Variants in COBL observed in about 807,000 individuals in gnomAD.
COBL encodes the protein protein cordon-bleu.
In COBL, 51 loss-of-function variants were observed where a neutral mutation model predicts 98.8. The observed-to-expected ratio is 0.52, with a 90% CI of 0.41 to 0.65. The LOEUF is 0.65. Among genes scored for constraint, COBL ranks in the 30% least tolerant of loss-of-function variants. The pLI is 0.00. For missense variants in COBL, 1,617 were observed against 1,617.5 expected, an observed-to-expected ratio of 1.00 and a Z score of 0.01; for synonymous variants, 634 against 651.7, an observed-to-expected ratio of 0.97 and a Z score of 0.41.
At chr7:51,151,828 TG>T (rs1562969132) in intron 5 of COBL, among the ~76,000 whole-genome samples, 2 of 152,246 alleles carry the variant, frequency 1.3e-5, no homozygotes, top group African/African-American at 4.8e-5. Flanking sequence ...TCTGTGTGCC[TG>T]GCTCAGGCTA....
At chr7:51,234,567 G>A (rs1044416760) in intron 1 of COBL, among the ~76,000 whole-genome samples, 4 of 152,066 alleles carry the variant, frequency 2.6e-5, no homozygotes, top group African/African-American at 7.2e-5. Context: ...CGGGCGTGTT[G>A]GTGTGTGCCT....
At position 51,267,480 on chromosome 7, in the gene COBL, T is replaced by TA. The variant is rs1554452314; in HGVS notation, c.42-47537_42-47536insT. Among the ~76,000 whole-genome samples, 15 of 150,778 alleles carry TA rather than the reference T, an allele frequency of 9.9e-5. No individual in the cohort carries two copies. In the South Asian group the frequency reaches 2.9e-3, roughly 29 times the overall value. On this transcript the variant is annotated intron_variant, in intron 1 of 12. Transcript: ENST00000265136. ...TTCATACATTCATTTATTTGTATTT[T>TA]TATATATATATATATTACTAGTATA...
intron 7 of COBL, among the ~76,000 whole-genome samples, chr7:51,068,979 A>T (rs1053227392): frequency 6.6e-6 from 1 of 152,218 alleles, no homozygotes; most frequent in African/African-American, 2.4e-5. Context: ...TTGTGCAGTG[A>T]GTGACAGTTC....
chr7:51,091,270 G>A (rs1214206561), intron 6 of COBL, among the ~76,000 whole-genome samples: 1 of 152,126 alleles, frequency 6.6e-6, no homozygotes, highest in African/African-American at 2.4e-5. Context: ...AGAATACTCA[G>A]AAAGACAGCT....
chr7:51,081,264 G>A (rs1283417725), intron 7 of COBL, among the ~76,000 whole-genome samples: 1 of 152,210 alleles, frequency 6.6e-6, no homozygotes, highest in East Asian at 1.9e-4. Flanking sequence ...GCATGAGAGG[G>A]GAAGAGAGGG....
intron 5 of COBL, among the ~76,000 whole-genome samples, chr7:51,181,733 C>T (rs917148786): frequency 6.6e-6 from 1 of 152,316 alleles, no homozygotes; most frequent in East Asian, 1.9e-4. Flanking sequence ...ACAGAGAGGA[C>T]TCGATCACTG....
intron 1 of COBL, among the ~76,000 whole-genome samples, chr7:51,231,424 C>G (rs1794737255): frequency 6.6e-6 from 1 of 152,204 alleles, no homozygotes; most frequent in African/African-American, 2.4e-5. Flanking sequence ...TCTACCAAAC[C>G]AAGCAGGGGT....
At chr7:51,257,660 T>C (rs1352958909) in intron 1 of COBL, among the ~76,000 whole-genome samples, 1 of 152,152 alleles carries the variant, frequency 6.6e-6, no homozygotes, top group Admixed American at 6.5e-5. Context: ...TATATAAATA[T>C]ACATAATTTT....
rs191338484 is a variant in COBL, at chr7:51,064,205, T to C, written c.1097-20513A>G. Among the ~76,000 whole-genome samples the C allele has an allele frequency of 3.3e-5, 5 of 152,300 alleles. No individual in the cohort carries two copies. In the East Asian group the frequency reaches 9.7e-4, roughly 29 times the overall value. Reference sequence around the variant, plus strand: ...TGGCTACTGTGATTGGTTCAGGAACTCGCATGTGGCTGATGTGGGGTAAGT... The same window carrying C: ...TGGCTACTGTGATTGGTTCAGGAACCCGCATGTGGCTGATGTGGGGTAAGT... On this transcript the variant is annotated intron_variant, in intron 7 of 12. Coordinates refer to ENST00000265136, the MANE Select transcript of COBL (RefSeq NM_015198.5).
chr7:51,211,837 C>T (rs1301771180), intron 2 of COBL, among the ~76,000 whole-genome samples: 4 of 152,208 alleles, frequency 2.6e-5, no homozygotes, highest in Non-Finnish European at 4.4e-5. Context: ...TTTTCATTGA[C>T]TACACAGACA....
At chr7:51,300,909 C>G (rs529814459) in intron 1 of COBL, among the ~76,000 whole-genome samples, 1 of 152,314 alleles carries the variant, frequency 6.6e-6, no homozygotes, top group African/African-American at 2.4e-5. Context: ...CCAGGGATAT[C>G]TGAGGTGCAT....
intron 6 of COBL, among the ~76,000 whole-genome samples, chr7:51,089,128 G>A (rs1282351321): frequency 6.6e-6 from 1 of 152,124 alleles, no homozygotes; most frequent in African/African-American, 2.4e-5. Flanking sequence ...AAATTCCTGA[G>A]TGTCCTAGGA....
chr7:51,081,081 G>A (rs1049657979), intron 7 of COBL, among the ~76,000 whole-genome samples: 26 of 152,166 alleles, frequency 1.7e-4, no homozygotes, highest in African/African-American at 5.6e-4. Context: ...CTGGCAGCCA[G>A]GAGCGCGGGG....
chr7:51,198,125 T>C (rs1790766840), intron 2 of COBL, among the ~76,000 whole-genome samples: 1 of 152,178 alleles, frequency 6.6e-6, no homozygotes, highest in Non-Finnish European at 1.5e-5. Flanking sequence ...CTGTGTACTT[T>C]AGTGTTAGTA....
At chr7:51,017,639 A>T (rs181709480) in intron 12 of COBL, 71 bp from the exon 13 acceptor site, 2 of 1,521,834 alleles carry the variant, frequency 1.3e-6, no homozygotes, top group African/African-American at 2.7e-5. Flanking sequence ...CTGGTGCTAG[A>T]GAGCTCTGTG....
At chr7:51,263,393 A>G (rs916903558) in intron 1 of COBL, among the ~76,000 whole-genome samples, 2 of 152,230 alleles carry the variant, frequency 1.3e-5, no homozygotes, top group African/African-American at 4.8e-5. Flanking sequence ...GATATGTTTC[A>G]CAAACTGCTT....
At chr7:51,238,556 C>A (rs1795485033) in intron 1 of COBL, among the ~76,000 whole-genome samples, 2 of 152,180 alleles carry the variant, frequency 1.3e-5, no homozygotes, top group Non-Finnish European at 2.9e-5. Flanking sequence ...CGAACCAGAG[C>A]AACTCCATCT....
At position 51,118,295 on chromosome 7, in the gene COBL, G is replaced by A. The variant is rs1364664656; in HGVS notation, c.957+17863C>T. Among the ~76,000 whole-genome samples the A allele has an allele frequency of 1.3e-5, 2 of 152,032 alleles. 1 individual carries two copies. The highest frequency in any genetic ancestry group is 4.2e-4 in the South Asian group (2 of 4,814). ...TCCAGCGGTTGGGAGTCCAAGCATG[G>A]CTTAGCCGGGTCCTCTGCTCAGGGT... is the stretch of plus-strand genomic sequence containing the variant. On this transcript the variant is annotated intron_variant, in intron 6 of 12. Coordinates refer to ENST00000265136, the MANE Select transcript of COBL (RefSeq NM_015198.5).
intron 5 of COBL, among the ~76,000 whole-genome samples, chr7:51,155,942 C>A (rs1786087009): frequency 6.6e-6 from 1 of 152,118 alleles, no homozygotes; most frequent in African/African-American, 2.4e-5. Flanking sequence ...AAGCAAAACA[C>A]AGAGAGATCA....
Sources: allele counts gnomAD v4.1 joint callset (sites outside exome capture counted in the v4.1 genomes callset), GRCh38; gene constraint gnomAD v4.1.1; transcripts MANE v1.5; gene names NCBI Gene and HGNC (gene_info 2026-07-23, HGNC 2026-07-21).